The following CAD variants were observed in gnomAD, a reference collection of about 807,000 sequenced individuals.
The protein encoded by CAD is carbamoyl-phosphate synthetase 2, aspartate transcarbamylase, and dihydroorotase, also known as multifunctional protein CAD.
Under a neutral mutation model 237.2 loss-of-function variants are expected in CAD, and 81 were observed. The observed-to-expected ratio is 0.34, with a 90% CI of 0.29 to 0.41. The LOEUF (loss-of-function observed/expected upper bound fraction) is 0.41. Among genes scored for constraint, CAD ranks in the 10% least tolerant of loss-of-function variants. The pLI, the probability that CAD is intolerant of heterozygous loss-of-function variation, is 1.00. For missense variants in CAD, 2,181 were observed against 2,951.7 expected (o/e 0.74, Z 6.05); for synonymous variants, 1,196 against 1,162.8 (o/e 1.03, Z -0.58).
At position 27,240,980 on chromosome 2, in the gene CAD, T is replaced by A; in HGVS notation, c.5638+25T>A. 2 of 1,613,956 alleles carry A rather than the reference T, an allele frequency of 1.2e-6. No individual in the cohort carries two copies. Among genetic ancestry groups the A allele is most frequent in the African/African-American group, 1.3e-5 (1 of 74,966 alleles). On this transcript the variant is annotated intron_variant, in intron 36 of 43. Coordinates refer to ENST00000264705, the MANE Select transcript of CAD (RefSeq NM_004341.5). The surrounding 1 kb of genome is among the most constrained non-coding windows in gnomAD (Gnocchi z 4.6). ...GGTGAGACTCCACCCTGACACACAC[T>A]CACCTCGGGGACCTCTGATCTGGCC...
Position 27,242,284 on chromosome 2 carries a change from T to C in CAD, c.6097-18T>C. 1 of 1,602,476 alleles carries C rather than the reference T, an allele frequency of 6.2e-7. No homozygotes were observed. Among genetic ancestry groups the C allele is most frequent in the Non-Finnish European group, 8.5e-7 (1 of 1,171,960 alleles). On this transcript the variant is annotated intron_variant, in intron 39 of 43. Transcript: ENST00000264705. This position sits in a 1 kb window ranked among gnomAD's most constrained non-coding sequence, Gnocchi z 6.4. ...GGCCTCTGAGCTGCAAAAGACAGGA[T>C]TTTCCCCTTTTTTCCAGCTGGCCGC...
chr2:27,230,374 G>T (rs1441802884), intron 15 of CAD, among the ~76,000 whole-genome samples: 3 of 152,036 alleles, frequency 2.0e-5, no homozygotes, highest in African/African-American at 4.8e-5. Flanking sequence ...CGGCACGGTG[G>T]CTCACGCCTG....
In CAD at chr2:27,237,559, C is replaced by T. The variant is rs776790520; in HGVS notation, c.4563+14C>T. 46 of 1,610,368 alleles carry T rather than the reference C, an allele frequency of 2.9e-5. No homozygotes were observed. The highest frequency in any genetic ancestry group is 1.7e-5 in the Admixed American group (1 of 59,906). ...CTGGCCCAGAAGGTGAGCCACTGCA[C>T]TCTTCCTGGTATTGGAGACCCATAT... On this transcript the variant is annotated intron_variant, in intron 28 of 43. Transcript: ENST00000264705. The surrounding 1 kb of genome is among the most constrained non-coding windows in gnomAD (Gnocchi z 4.0).
Position 27,231,960 on chromosome 2 carries a change from G to C in CAD, c.2401-20G>C, listed in dbSNP as rs745324053. The C allele has an allele frequency of 1.9e-6, 3 of 1,614,050 alleles. No homozygotes were observed. The highest frequency in any genetic ancestry group is 3.3e-5 in the Admixed American group (2 of 60,022). On this transcript the variant is annotated intron_variant, in intron 16 of 43. Coordinates refer to ENST00000264705, the MANE Select transcript of CAD (RefSeq NM_004341.5). ...GATGGGCTGGCAGTAGCTTCCGTCT[G>C]TCTACCCCCTTTCTATCAGGAGTTG...
intron 2 of CAD, 100 bp from the exon 3 acceptor site, chr2:27,221,118 T>G (rs1032186507): frequency 1.9e-6 from 2 of 1,026,844 alleles, no homozygotes; most frequent in Non-Finnish European, 2.7e-6. Context: ...TGAAGGCCAT[T>G]CAATGTGGCT....
chr2:27,221,131 A>T, intron 2 of CAD, 87 bp from the exon 3 acceptor site: 1 of 1,210,560 alleles, frequency 8.3e-7, no homozygotes, highest in East Asian at 2.6e-5. Context: ...ATGTGGCTGA[A>T]TATAGGGTCT....
At position 27,239,366 on chromosome 2, in the gene CAD, C is replaced by T; in HGVS notation, c.5289C>T (p.His1763=). 1 of 1,614,050 alleles carries T rather than the reference C, an allele frequency of 6.2e-7. No homozygotes were observed. The highest frequency in any genetic ancestry group is 8.5e-7 in the Non-Finnish European group (1 of 1,179,958). The change falls in exon 33 of 44, where the codon CAC becomes CAT. Residue 1763 remains histidine (H), a synonymous_variant. Transcript: ENST00000264705. The surrounding 1 kb of genome is among the most constrained non-coding windows in gnomAD (Gnocchi z 4.0). ...AGCATGAGTGGACAATTCCCAGCCA[C>T]ATGCCCTTCTCCAAGGCCCACTGGA... ...DLEHEWTIPS[H]MPFSKAHWTP...
At chr2:27,238,323 T>G in intron 30 of CAD, 108 bp from the exon 31 acceptor site, 1 of 1,459,898 alleles carries the variant, frequency 6.8e-7, no homozygotes. Context: ...CCAGCACCCT[T>G]GCAGGTCTAC....
chr2:27,228,830 T>G (rs527838174), intron 15 of CAD, among the ~76,000 whole-genome samples: 1 of 152,118 alleles, frequency 6.6e-6, no homozygotes, highest in East Asian at 1.9e-4. Context: ...GCTCAGGTGA[T>G]CCACCCACCT....
In CAD at chr2:27,217,868, T is replaced by C. The variant is rs771925815; in HGVS notation, c.83-9T>C. 9 of 1,595,510 alleles carry C rather than the reference T, an allele frequency of 5.6e-6. No homozygotes were observed. In the South Asian group the frequency reaches 9.1e-5, roughly 16 times the overall value. ...CCTACCGGAGCCCAGCCCTGCTTCT[T>C]TCTTGCAGTGTTTCAAACCGGCATG... On this transcript the variant is annotated splice_polypyrimidine_tract_variant and intron_variant, in intron 1 of 43. Transcript: ENST00000264705.
Position 27,237,662 on chromosome 2 carries a change from G to C in CAD, c.4564-56G>C. 2.5e-6 allele frequency: 4 copies of C among 1,584,118 alleles called. No homozygotes were observed. Among genetic ancestry groups the C allele is most frequent in the Admixed American group, 1.7e-5 (1 of 58,076 alleles). ...TATGGGCCCAGGCCACTGGTGCCAG[G>C]CTAGCCTGTGTGGGCATGGGTGCCA... On this transcript the variant is annotated intron_variant, in intron 28 of 43. Coordinates refer to ENST00000264705, the MANE Select transcript of CAD (RefSeq NM_004341.5). This position sits in a 1 kb window ranked among gnomAD's most constrained non-coding sequence, Gnocchi z 4.0.
At chr2:27,221,418 T>A in intron 3 of CAD, 71 bp downstream of exon 3, 1 of 1,327,518 alleles carries the variant, frequency 7.5e-7, no homozygotes, top group Non-Finnish European at 9.9e-7. Context: ...AAGGTTTCTG[T>A]AATCTGCTGG....
rs776740203 is a variant in CAD at position 27,243,444 on chromosome 2, G to A, written c.6604G>A (p.Ala2202Thr). 1.5e-5 allele frequency: 24 copies of A among 1,592,780 alleles called. No homozygotes were observed. The South Asian group carries it at 2.7e-4, about 18-fold the overall frequency. ...GGAAGTGGACTCGGATCCCCGCGCA[G>A]CCTACTTCCGCCAGGCTGAGAACGG... is the stretch of plus-strand genomic sequence containing the variant. ...SVEVDSDPRAAYFRQAENGMY... is the reference protein window; with the variant it reads ...SVEVDSDPRATYFRQAENGMY... Residue 2202 changes from alanine (A) to threonine (T), a missense_variant, in exon 44 of 44, where the codon GCC becomes ACC. Transcript: ENST00000264705.
At position 27,235,724 on chromosome 2, in the gene CAD, G is replaced by A; in HGVS notation, c.4074+84G>A. ...TGCACCAAAGAATTATCTGGGCTGG[G>A]CACGGTGGCATATACCTGTAGTCCC... On this transcript the variant is annotated intron_variant, in intron 25 of 43. Transcript: ENST00000264705. This position sits in a 1 kb window ranked among gnomAD's most constrained non-coding sequence, Gnocchi z 5.2. 1.7e-6 allele frequency: 2 copies of A among 1,152,484 alleles called. No homozygotes were observed. The highest frequency in any genetic ancestry group is 1.3e-6 in the Non-Finnish European group (1 of 782,240). The allele number at this position is 1,152,484 out of a possible 1,614,324, so 71.4% of individuals were successfully genotyped here. A position where few individuals can be genotyped will look rare whatever the true frequency, so the allele number is the denominator to read the frequency against.
In CAD at chr2:27,232,810, C is replaced by A; in HGVS notation, c.2892+116C>A. 2 of 1,349,792 alleles carry A rather than the reference C, an allele frequency of 1.5e-6. No homozygotes were observed. The highest frequency in any genetic ancestry group is 2.1e-6 in the Non-Finnish European group (2 of 963,840). 83.6% of individuals were successfully genotyped at this position (1,349,792 alleles called of 1,614,324 possible). On this transcript the variant is annotated intron_variant, in intron 18 of 43. Coordinates refer to ENST00000264705, the MANE Select transcript of CAD (RefSeq NM_004341.5). This position sits in a 1 kb window ranked among gnomAD's most constrained non-coding sequence, Gnocchi z 4.1. ...GCCGTCCCTTACTTTGGTCATAGAGCTTTGGGGTGGGGGTCCTTTTAGGCC... is the reference window on the plus strand; with the variant it reads ...GCCGTCCCTTACTTTGGTCATAGAGATTTGGGGTGGGGGTCCTTTTAGGCC...
chr2:27,225,791 T>C lies in CAD; in HGVS notation c.1707T>C (p.Ser569=). 6.2e-7 allele frequency: 1 copy of C among 1,614,200 alleles called. No individual in the cohort carries two copies. The highest frequency in any genetic ancestry group is 8.5e-7 in the Non-Finnish European group (1 of 1,180,026). Residue 569 remains serine (S), a synonymous_variant, in exon 12 of 44, where the codon TCT becomes TCC. Coordinates refer to ENST00000264705, the MANE Select transcript of CAD (RefSeq NM_004341.5). ...ALGGLGSGFA[S]NREELSALVA... is the part of the protein sequence containing the mutation. Reference sequence around the variant, plus strand: ...GTGGCCTGGGCTCTGGCTTTGCCTCTAACAGGGAGGAGCTCTCTGCTCTCG... The same window carrying C: ...GTGGCCTGGGCTCTGGCTTTGCCTCCAACAGGGAGGAGCTCTCTGCTCTCG...
chr2:27,232,019 G>T lies in CAD; in HGVS notation c.2440G>T (p.Ala814Ser). ...TPTDKRIFVVAAALWAGYSVD... is the reference protein window; with the variant it reads ...TPTDKRIFVVSAALWAGYSVD... ...AACAGATAAGCGGATTTTTGTGGTG[G>T]CAGCTGCTTTGTGGGCTGGTTATTC... Residue 814 changes from alanine to serine, a missense_variant, in exon 17 of 44, where the codon GCA (alanine) becomes TCA (serine). Transcript: ENST00000264705. This position sits in a 1 kb window ranked among gnomAD's most constrained non-coding sequence, Gnocchi z 4.1. 6.2e-7 allele frequency: 1 copy of T among 1,614,228 alleles called. No individual in the cohort carries two copies. The highest frequency in any genetic ancestry group is 1.1e-5 in the South Asian group (1 of 91,088).
rs1675411453 is a variant in CAD at position 27,225,609 on chromosome 2, G to A, written c.1621-96G>A. The stretch of plus-strand genomic sequence containing the variant: ...TTACAGGCGTGAGCCACTATGCCCA[G>A]CCATGTTATTTTCTTTATATCTTTT... On this transcript the variant is annotated intron_variant, in intron 11 of 43. Coordinates refer to ENST00000264705, the MANE Select transcript of CAD (RefSeq NM_004341.5). 5.2e-6 allele frequency: 5 copies of A among 954,856 alleles called. 1 individual carries two copies. In the Admixed American group the frequency reaches 5.9e-5, roughly 11 times the overall value. 59.1% of individuals were successfully genotyped at this position (954,856 alleles called of 1,614,324 possible).
rs6747264 is a variant in CAD, at chr2:27,232,413, C to T, written c.2646-35C>T. The T allele has an allele frequency of 0.049, 78,530 of 1,612,880 alleles. 2,127 individuals are homozygous for T. Among genetic ancestry groups the T allele is most frequent in the African/African-American group, 0.087 (6,501 of 74,996 alleles). ...CCTCTATCAGTCTGTACCCTACTCT[C>T]TGGGCCTGTGTTTCAGACCCTTTTT... On this transcript the variant is annotated intron_variant, in intron 17 of 43. Transcript: ENST00000264705. The surrounding 1 kb of genome is among the most constrained non-coding windows in gnomAD (Gnocchi z 4.1).
Sources: allele counts gnomAD v4.1 joint callset (sites outside exome capture counted in the v4.1 genomes callset), GRCh38; gene constraint gnomAD v4.1.1; non-coding constraint Gnocchi (gnomAD v3.1); transcripts MANE v1.5; gene names NCBI Gene and HGNC (gene_info 2026-07-23, HGNC 2026-07-21).